RET: variants seen among roughly 807,000 people sequenced by gnomAD.
RET encodes the protein ret proto-oncogene.
Under a neutral mutation model 118.3 loss-of-function variants are expected in RET, and 19 were observed. That is an observed-to-expected ratio of 0.16 (90% CI 0.11 to 0.24). The LOEUF is 0.24. Among genes scored for constraint, RET ranks in the 10% least tolerant of loss-of-function variants. RET has a pLI of 1.00. For synonymous variants in RET, 597 were observed against 644.1 expected (o/e 0.93, Z 1.11); for missense variants, 1,219 against 1,502.1 (o/e 0.81, Z 3.12).
intron 4 of RET, 70 bp downstream of exon 4, chr10:43,105,263 T>A: frequency 6.2e-7 from 1 of 1,605,444 alleles, no homozygotes; most frequent in South Asian, 1.1e-5. Context: ...TCGGTCGGTT[T>A]AGTGTCCGTG....
At position 43,077,136 on chromosome 10, in the gene RET, G is replaced by A; in HGVS notation, c.-123G>A. On this transcript the variant is annotated 5_prime_UTR_variant, in exon 1 of 20. Transcript: ENST00000355710. Reference sequence around the variant, plus strand: ...CCGGAACGTGCGTCGCGCCCCCAGTGTCCGTCGCGTCCGCCGCGCCCCGGG... The same window carrying A: ...CCGGAACGTGCGTCGCGCCCCCAGTATCCGTCGCGTCCGCCGCGCCCCGGG... 7.1e-6 allele frequency: 9 copies of A among 1,273,684 alleles called. No homozygotes were observed. The highest frequency in any genetic ancestry group is 9.0e-6 in the Non-Finnish European group (9 of 1,002,250). The allele number at this position is 1,273,684 out of a possible 1,614,324, so 78.9% of individuals were successfully genotyped here.
intron 1 of RET, among the ~76,000 whole-genome samples, chr10:43,079,295 T>C (rs1200157106): frequency 6.6e-6 from 1 of 152,088 alleles, no homozygotes; most frequent in African/African-American, 2.4e-5. Flanking sequence ...CTCACCCACG[T>C]CCACACAGGG....
At chr10:43,122,179 C>A (rs1420215503) in intron 16 of RET, among the ~76,000 whole-genome samples, 163 bp downstream of exon 16, 2 of 152,172 alleles carry the variant, frequency 1.3e-5, no homozygotes, top group East Asian at 3.9e-4. Flanking sequence ...CACTGAGGGG[C>A]CTTCATGATG....
rs377767424 is a variant in RET at position 43,119,668 on chromosome 10, C to T, written c.2530C>T (p.Arg844Trp). Residue 844 changes from arginine to tryptophan, a missense_variant, in exon 14 of 20, where the codon CGG (arginine) becomes TGG (tryptophan). Around this residue, in one of 5 missense-constraint regions of RET, gnomAD observed 850 missense variants for 969.6 expected, o/e 0.88. Transcript: ENST00000355710. ...NSSSLDHPDE[R>W]ALTMGDLISF... Reference sequence around the variant, plus strand: ...CAGCTCCCTGGACCACCCGGATGAGCGGGCCCTCACCATGGGCGACCTCAT... The same window carrying T: ...CAGCTCCCTGGACCACCCGGATGAGTGGGCCCTCACCATGGGCGACCTCAT... The T allele has an allele frequency of 5.6e-6, 9 of 1,613,388 alleles. No homozygotes were observed. Among genetic ancestry groups the T allele is most frequent in the African/African-American group, 1.3e-5 (1 of 75,040 alleles).
chr10:43,111,128 C>G (rs558445271), intron 6 of RET, 79 bp from the exon 7 acceptor site: 2 of 1,594,524 alleles, frequency 1.3e-6, no homozygotes, highest in Non-Finnish European at 8.5e-7. Flanking sequence ...AGGACTTAGG[C>G]TGTGTGGGAA....
At chr10:43,103,480 G>A (rs1357625849) in intron 3 of RET, among the ~76,000 whole-genome samples, 1 of 152,182 alleles carries the variant, frequency 6.6e-6, no homozygotes, top group Non-Finnish European at 1.5e-5. Context: ...GTGGAGAGGG[G>A]AGAAGGCAGC....
In RET at chr10:43,105,199, T is replaced by C. The variant is rs771883298; in HGVS notation, c.867+6T>C. On this transcript the variant is annotated splice_donor_region_variant and intron_variant, in intron 4 of 19. Transcript: ENST00000355710. ...TGGAGTTCAAGCGGAAGGAGGTGCT[T>C]GTCCGCGCGTGCTGTGGTCTACCCA... The C allele has an allele frequency of 6.2e-7, 1 of 1,612,554 alleles. No individual in the cohort carries two copies. The highest frequency in any genetic ancestry group is 2.2e-5 in the East Asian group (1 of 44,824).
intron 19 of RET, 106 bp downstream of exon 19, chr10:43,126,828 A>G (rs1235390736): frequency 9.8e-6 from 15 of 1,527,320 alleles, no homozygotes; most frequent in Non-Finnish European, 1.3e-5. Flanking sequence ...GAACAAAACC[A>G]AAGTCTGCTC....
chr10:43,079,823 G>A lies in RET; in HGVS notation c.73+2492G>A, dbSNP rs117193730. Among the ~76,000 whole-genome samples, 47 of 152,274 alleles carry A rather than the reference G, an allele frequency of 3.1e-4. No individual in the cohort carries two copies. The East Asian group carries it at 7.0e-3, about 23-fold the overall frequency. On this transcript the variant is annotated intron_variant, in intron 1 of 19. Coordinates refer to ENST00000355710, the MANE Select transcript of RET (RefSeq NM_020975.6). ...CCTGCCTGAAGCACCAGGTATCAGC[G>A]CGGGCAGCTCAGGCCAGGGGTACAG... is the stretch of plus-strand genomic sequence containing the variant.
At position 43,106,911 on chromosome 10, in the gene RET, G is replaced by A. The variant is rs555677417; in HGVS notation, c.1063+340G>A. Reference sequence around the variant, plus strand: ...TTCCTCCAGCCCCTGGCACTCCATCGTTGCCCCTAAGGCGTCCCAAGTGCT... The same window carrying A: ...TTCCTCCAGCCCCTGGCACTCCATCATTGCCCCTAAGGCGTCCCAAGTGCT... On this transcript the variant is annotated intron_variant, in intron 5 of 19. Transcript: ENST00000355710. This position sits in a 1 kb window ranked among gnomAD's most constrained non-coding sequence, Gnocchi z 5.1. Among the ~76,000 whole-genome samples the A allele has an allele frequency of 1.3e-5, 2 of 152,090 alleles. No individual in the cohort carries two copies. Among genetic ancestry groups the A allele is most frequent in the African/African-American group, 2.4e-5 (1 of 41,408 alleles).
At chr10:43,118,309 G>C (rs1189091304) in intron 12 of RET, 64 bp from the exon 13 acceptor site, 1 of 1,287,468 alleles carries the variant, frequency 7.8e-7, no homozygotes, top group East Asian at 2.4e-5. Context: ...ATCCTGACCT[G>C]GTATGGTCAT....
chr10:43,100,830 G>T (rs773040053), intron 2 of RET, 108 bp downstream of exon 2: 211 of 1,238,796 alleles, frequency 1.7e-4, no homozygotes, highest in Non-Finnish European at 2.2e-4. Context: ...CCCCCCCACC[G>T]CTGGTGTGGA....
At chr10:43,112,775 C>G in intron 8 of RET, 78 bp from the exon 9 acceptor site, 1 of 1,136,124 alleles carries the variant, frequency 8.8e-7, no homozygotes, top group Non-Finnish European at 1.3e-6. Context: ...CCTAGAGGGG[C>G]AGGATCTGCC....
chr10:43,114,845 T>G lies in RET; in HGVS notation c.2136+109T>G. ...CCATCCTGTGAGGGGCTGCCAACGC[T>G]GGGCAGACGAGGCCTGTGTTCTGCC... On this transcript the variant is annotated intron_variant, in intron 11 of 19. Transcript: ENST00000355710. The surrounding 1 kb of genome is among the most constrained non-coding windows in gnomAD (Gnocchi z 4.6). The G allele has an allele frequency of 8.2e-7, 1 of 1,212,650 alleles. No homozygotes were observed. Among genetic ancestry groups the G allele is most frequent in the Non-Finnish European group, 1.1e-6 (1 of 880,824 alleles). The allele number at this position is 1,212,650 out of a possible 1,614,324, so 75.1% of individuals were successfully genotyped here.
chr10:43,089,696 G>C (rs1837370883), intron 1 of RET, among the ~76,000 whole-genome samples: 1 of 152,216 alleles, frequency 6.6e-6, no homozygotes, highest in Non-Finnish European at 1.5e-5. Flanking sequence ...ACCACACACA[G>C]GGAGGCGTGG....
At chr10:43,098,197 T>C (rs2132640523) in intron 1 of RET, among the ~76,000 whole-genome samples, 1 of 152,268 alleles carries the variant, frequency 6.6e-6, no homozygotes, top group South Asian at 2.1e-4. Flanking sequence ...GAACTTTTCA[T>C]CTTCCCAAAC....
At chr10:43,100,875 T>C (rs1837629051) in intron 2 of RET, among the ~76,000 whole-genome samples, 153 bp downstream of exon 2, 1 of 152,096 alleles carries the variant, frequency 6.6e-6, no homozygotes, top group African/African-American at 2.4e-5. Context: ...GGCCTGCCTC[T>C]GTGTCCAGCC....
At chr10:43,101,410 C>A (rs1327202281) in intron 2 of RET, among the ~76,000 whole-genome samples, 3 of 152,276 alleles carry the variant, frequency 2.0e-5, no homozygotes, top group Admixed American at 1.3e-4. Context: ...GCAGAGCAGG[C>A]ATCCCTGCCC....
chr10:43,122,094 CTG>C (rs2132988841), intron 16 of RET, 78 bp downstream of exon 16: 3 of 1,156,380 alleles, frequency 2.6e-6, no homozygotes, highest in Non-Finnish European at 3.9e-6. Flanking sequence ...CGACGCCCGT[CTG>C]TGCAGCTTGG....
Sources: allele counts gnomAD v4.1 joint callset (sites outside exome capture counted in the v4.1 genomes callset), GRCh38; gene constraint gnomAD v4.1.1; regional missense constraint gnomAD v4.1.1; non-coding constraint Gnocchi (gnomAD v3.1); transcripts MANE v1.5; gene names NCBI Gene and HGNC (gene_info 2026-07-23, HGNC 2026-07-21).